ZFAND3: variants seen among roughly 807,000 people sequenced by gnomAD.
The protein encoded by ZFAND3 is AN1-type zinc finger protein 3.
A neutral mutation model predicts 29.6 loss-of-function variants in ZFAND3; 10 were observed. The observed-to-expected ratio is 0.34, with a 90% CI of 0.21 to 0.57. The LOEUF is 0.57. ZFAND3 is among the 20% of genes least tolerant of loss of function. ZFAND3 has a pLI of 0.86. For missense variants in ZFAND3, 230 were observed against 304.5 expected, an observed-to-expected ratio of 0.76 and a Z score of 1.82; for synonymous variants, 128 against 112.6, an observed-to-expected ratio of 1.14 and a Z score of -0.87.
Position 38,025,584 on chromosome 6 carries a change from A to G in ZFAND3, c.113-36009A>G, listed in dbSNP as rs376652434. Among the ~76,000 whole-genome samples, 4 of 152,288 alleles carry G rather than the reference A, an allele frequency of 2.6e-5. No individual in the cohort carries two copies. In the South Asian group the frequency reaches 6.2e-4, roughly 24 times the overall value. ...TGCTGAATTAGTGGTATTTATTACT[A>G]TAAAACATTAGCCTTTAAACAGAAG... is the stretch of plus-strand genomic sequence containing the variant. On this transcript the variant is annotated intron_variant, in intron 2 of 5. Coordinates refer to ENST00000287218, the MANE Select transcript of ZFAND3 (RefSeq NM_021943.3).
At chr6:37,863,644 G>A (rs1354036150) in intron 1 of ZFAND3, among the ~76,000 whole-genome samples, 1 of 151,208 alleles carries the variant, frequency 6.6e-6, no homozygotes, top group East Asian at 1.9e-4. Context: ...AACCAAAATG[G>A]TTTCTGAAAC....
chr6:38,088,727 A>G (rs562794543), intron 4 of ZFAND3, among the ~76,000 whole-genome samples: 15 of 152,308 alleles, frequency 9.8e-5, no homozygotes, highest in African/African-American at 3.1e-4. Context: ...TGAGTAGATA[A>G]TATTCTCTCT....
intron 1 of ZFAND3, among the ~76,000 whole-genome samples, chr6:37,857,175 T>TGG (rs1764399694): frequency 6.6e-6 from 1 of 152,188 alleles, no homozygotes; most frequent in Non-Finnish European, 1.5e-5. Flanking sequence ...TGTGCAACTA[T>TGG]ATTAGAAAAT....
At chr6:37,905,000 A>C (rs1175548885) in intron 1 of ZFAND3, among the ~76,000 whole-genome samples, 1 of 152,180 alleles carries the variant, frequency 6.6e-6, no homozygotes, top group African/African-American at 2.4e-5. Context: ...AATATTTCTT[A>C]AAGGTAATAT....
At chr6:37,896,840 T>G (rs1331543065) in intron 1 of ZFAND3, among the ~76,000 whole-genome samples, 1 of 152,048 alleles carries the variant, frequency 6.6e-6, no homozygotes, top group African/African-American at 2.4e-5. Context: ...AAATTGCCAG[T>G]AAAGCCAACC....
chr6:38,103,494 C>CGT (rs1554181201), intron 4 of ZFAND3, among the ~76,000 whole-genome samples: 3 of 23,658 alleles, frequency 1.3e-4, no homozygotes, highest in Non-Finnish European at 3.5e-4. Flanking sequence ...CATATATACA[C>CGT]GTGTATATAT....
At chr6:38,116,868 C>T (rs975630836) in intron 5 of ZFAND3, 129 bp downstream of exon 5, 4 of 1,193,500 alleles carry the variant, frequency 3.4e-6, no homozygotes, top group African/African-American at 3.1e-5. Context: ...GTAGTGCATG[C>T]GATATAGGTT....
At chr6:38,115,439 T>C (rs1765396809) in intron 4 of ZFAND3, among the ~76,000 whole-genome samples, 1 of 152,116 alleles carries the variant, frequency 6.6e-6, no homozygotes. Flanking sequence ...AGTAACATGA[T>C]CTAACTTGAT....
chr6:37,890,648 G>A (rs9647620), intron 1 of ZFAND3, among the ~76,000 whole-genome samples: 1 of 151,956 alleles, frequency 6.6e-6, no homozygotes, highest in East Asian at 1.9e-4. Flanking sequence ...TCAAAGTGTC[G>A]GAAGTATGGC....
intron 2 of ZFAND3, among the ~76,000 whole-genome samples, chr6:37,949,807 T>A (rs1307369981): frequency 6.6e-6 from 1 of 152,224 alleles, no homozygotes; most frequent in East Asian, 1.9e-4. Flanking sequence ...CGACCCTCCC[T>A]GTACATGGAA....
chr6:37,844,828 C>T (rs963862018), intron 1 of ZFAND3, among the ~76,000 whole-genome samples: 1 of 149,930 alleles, frequency 6.7e-6, no homozygotes, highest in Non-Finnish European at 1.5e-5. Context: ...GCCTGGCTAA[C>T]ACGGTGAAAC....
chr6:37,879,173 A>C (rs1764845871), intron 1 of ZFAND3, among the ~76,000 whole-genome samples: 3 of 152,216 alleles, frequency 2.0e-5, no homozygotes, highest in Admixed American at 2.0e-4. Flanking sequence ...ACCTTGGAGA[A>C]ATCACTGAAG....
chr6:38,139,075 G>T (rs1276314874), intron 5 of ZFAND3, among the ~76,000 whole-genome samples: 1 of 152,182 alleles, frequency 6.6e-6, no homozygotes, highest in African/African-American at 2.4e-5. Flanking sequence ...AGTTGGTCAG[G>T]TGGGAAGAAA....
chr6:38,069,891 T>A (rs1001040623), intron 3 of ZFAND3, among the ~76,000 whole-genome samples: 1 of 152,246 alleles, frequency 6.6e-6, no homozygotes, highest in Admixed American at 6.5e-5. Flanking sequence ...ATTCATTTTC[T>A]GGCTTGCTTT....
rs76490201 is a variant in ZFAND3, at chr6:37,976,160, G to C, written c.112+46161G>C. 0.017 allele frequency among the ~76,000 whole-genome samples: 2,591 copies of C among 152,248 alleles called. 255 individuals carry two copies. The East Asian group carries it at 0.28, about 16-fold the overall frequency. On this transcript the variant is annotated intron_variant, in intron 2 of 5. Transcript: ENST00000287218. Reference sequence around the variant, plus strand: ...AAAGGGTATTTAACCTTTGAAAATAGTATGTGATGGTTCATATATTGATTT... The same window carrying C: ...AAAGGGTATTTAACCTTTGAAAATACTATGTGATGGTTCATATATTGATTT...
chr6:37,831,602 A>G (rs943696499), intron 1 of ZFAND3, among the ~76,000 whole-genome samples: 1 of 152,152 alleles, frequency 6.6e-6, no homozygotes, highest in African/African-American at 2.4e-5. Context: ...GCTTACCTAG[A>G]TGGGAACTGA....
At chr6:37,929,911 A>G (rs1252951632) in intron 1 of ZFAND3, 48 bp from the exon 2 acceptor site, 1 of 1,553,712 alleles carries the variant, frequency 6.4e-7, no homozygotes, top group Non-Finnish European at 8.7e-7. Flanking sequence ...TTAGAGTGAT[A>G]TGGAGTTTTT....
chr6:37,938,585 C>T lies in ZFAND3; in HGVS notation c.112+8586C>T, dbSNP rs185278499. On this transcript the variant is annotated intron_variant, in intron 2 of 5. Coordinates refer to ENST00000287218, the MANE Select transcript of ZFAND3 (RefSeq NM_021943.3). Reference sequence around the variant, plus strand: ...GTTCTTTATGGTGTAGCCTCCCTTACTCTGAAATGCAAGCAAGACTCGGGC... The same window carrying T: ...GTTCTTTATGGTGTAGCCTCCCTTATTCTGAAATGCAAGCAAGACTCGGGC... Among the ~76,000 whole-genome samples the T allele has an allele frequency of 2.2e-4, 34 of 152,268 alleles. No individual in the cohort carries two copies. The East Asian group carries it at 5.8e-3, about 26-fold the overall frequency.
chr6:37,833,824 C>CAAAA (rs55733520), intron 1 of ZFAND3, among the ~76,000 whole-genome samples: 1 of 68,032 alleles, frequency 1.5e-5, no homozygotes, highest in African/African-American at 5.0e-5. Flanking sequence ...GACACTGTCT[C>CAAAA]AAAAAAAAAA....
Sources: allele counts gnomAD v4.1 joint callset (sites outside exome capture counted in the v4.1 genomes callset), GRCh38; gene constraint gnomAD v4.1.1; transcripts MANE v1.5; gene names NCBI Gene and HGNC (gene_info 2026-07-23, HGNC 2026-07-21).